DRC11L: variants seen among roughly 807,000 people sequenced by gnomAD.
DRC11L encodes dynein regulatory complex subunit like-11.
chr7:151,195,341 G>A, the DRC11L span: 1 of 398,914 alleles, frequency 2.5e-6, no homozygotes, highest in Non-Finnish European at 4.4e-6. Flanking sequence ...TCTCACAGCA[G>A]CAGAGCCAGG....
the DRC11L span, chr7:151,202,862 T>C: frequency 2.5e-6 from 1 of 399,562 alleles, no homozygotes. Flanking sequence ...GCAGGCTTCC[T>C]GAATGAGGTG....
chr7:151,191,472 AT>A, the DRC11L span, among the ~76,000 whole-genome samples: 6 of 152,152 alleles, frequency 3.9e-5, no homozygotes, highest in East Asian at 5.8e-4. Context: ...AAGCCTTGGC[AT>A]TTCCTGGTGA....
At chr7:151,193,231 C>T in the DRC11L span, 1 of 399,002 alleles carries the variant, frequency 2.5e-6, no homozygotes, top group Non-Finnish European at 4.4e-6. Flanking sequence ...CCTCAAAGCC[C>T]CCCTCCTTTG....
At chr7:151,203,932 G>A in the DRC11L span, among the ~76,000 whole-genome samples, 1 of 152,230 alleles carries the variant, frequency 6.6e-6, no homozygotes, top group Non-Finnish European at 1.5e-5. Context: ...ATATGAAGCA[G>A]TTACTGAACC....
At chr7:151,194,192 C>T in the DRC11L span, 1 of 397,758 alleles carries the variant, frequency 2.5e-6, no homozygotes, top group South Asian at 1.3e-4. Flanking sequence ...CTACCCTGAC[C>T]CCAGCCCTCA....
At chr7:151,190,916 C>A in the DRC11L span, 2 of 399,330 alleles carry the variant, frequency 5.0e-6, no homozygotes, top group Non-Finnish European at 8.8e-6. Context: ...TGCCCCATCC[C>A]TTTACCCTTG....
chr7:151,200,112 A>G, the DRC11L span, among the ~76,000 whole-genome samples: 2 of 152,174 alleles, frequency 1.3e-5, no homozygotes, highest in African/African-American at 2.4e-5. Flanking sequence ...GGGTGGGAAC[A>G]TGGGGTCCAG....
chr7:151,203,253 T>G, the DRC11L span: 3 of 397,994 alleles, frequency 7.5e-6, no homozygotes, highest in African/African-American at 6.2e-5. Context: ...AGGGTTACCA[T>G]CAGCAGAAGA....
chr7:151,199,270 C>T, the DRC11L span, among the ~76,000 whole-genome samples: 1 of 152,186 alleles, frequency 6.6e-6, no homozygotes, highest in Non-Finnish European at 1.5e-5. This position sits in a 1 kb window ranked among gnomAD's most constrained non-coding sequence, Gnocchi z 5.2. Context: ...CCCGATTTCC[C>T]CAGCACACCC....
chr7:151,194,296 G>A, the DRC11L span: 1 of 399,208 alleles, frequency 2.5e-6, no homozygotes, highest in Non-Finnish European at 4.4e-6. Context: ...TCTGTCGTAT[G>A]TCAAACAGGG....
At chr7:151,192,636 G>T in the DRC11L span, 3 of 398,958 alleles carry the variant, frequency 7.5e-6, no homozygotes, top group East Asian at 1.1e-4. Context: ...GCATGTGCAA[G>T]GCCCCAGTGG....
the DRC11L span, among the ~76,000 whole-genome samples, chr7:151,200,115 G>T: frequency 6.6e-6 from 1 of 152,210 alleles, no homozygotes; most frequent in Non-Finnish European, 1.5e-5. Flanking sequence ...TGGGAACATG[G>T]GGTCCAGGAT....
chr7:151,194,686 C>T, the DRC11L span: 13 of 397,916 alleles, frequency 3.3e-5, 1 homozygote, highest in Admixed American at 5.3e-4. Flanking sequence ...GAGATGGGGG[C>T]TGTTGTCATG....
the DRC11L span, among the ~76,000 whole-genome samples, chr7:151,205,218 G>A: frequency 6.6e-6 from 1 of 152,092 alleles, no homozygotes; most frequent in Non-Finnish European, 1.5e-5. Context: ...ATGGGAAGTG[G>A]GGGTGAGGGA....
chr7:151,191,581 G>C, the DRC11L span: 1 of 398,858 alleles, frequency 2.5e-6, no homozygotes, highest in East Asian at 3.6e-5. Context: ...TTGTGCTTCA[G>C]GGGGCTGACT....
At chr7:151,191,639 T>C in the DRC11L span, 1 of 399,266 alleles carries the variant, frequency 2.5e-6, no homozygotes. Context: ...CCACCTCACC[T>C]TCAGGGACTC....
chr7:151,192,357 G>A, the DRC11L span: 15 of 399,174 alleles, frequency 3.8e-5, no homozygotes, highest in Non-Finnish European at 5.3e-5. Context: ...TCGGCCAGCT[G>A]TGGCCGGGAG....
the DRC11L span, chr7:151,204,844 G>A: frequency 2.0e-5 from 8 of 399,012 alleles, no homozygotes; most frequent in Non-Finnish European, 3.1e-5. Context: ...GCTCTGGGGA[G>A]AGGGTGGCGG....
the DRC11L span, among the ~76,000 whole-genome samples, chr7:151,205,075 AC>A: frequency 6.6e-6 from 1 of 151,770 alleles, no homozygotes; most frequent in African/African-American, 2.4e-5. Context: ...AATGGGCATG[AC>A]CTTTGGGGGT....
Sources: gnomAD v4.1 joint callset for allele counts (sites outside exome capture counted in the v4.1 genomes callset) on GRCh38, gnomAD v4.1.1 for gene constraint, Gnocchi (gnomAD v3.1) non-coding constraint, MANE v1.5 for transcripts, NCBI Gene and HGNC (gene_info 2026-07-23, HGNC 2026-07-21) for gene names.